The following CYLD variants were observed in gnomAD, a reference collection of about 807,000 sequenced individuals.
CYLD encodes the protein CYLD lysine 63 deubiquitinase.
Under a neutral mutation model 104.5 loss-of-function variants are expected in CYLD, and 26 were observed. That is an observed-to-expected ratio of 0.25 (90% CI 0.18 to 0.35). The LOEUF is 0.35. CYLD is among the 10% of genes least tolerant of loss of function. CYLD has a pLI of 1.00. For synonymous variants in CYLD, 385 were observed against 399.9 expected, an observed-to-expected ratio of 0.96 and a Z score of 0.45; for missense variants, 703 against 1,136.1, an observed-to-expected ratio of 0.62 and a Z score of 5.48.
chr16:50,779,489 G>A (rs1970004531), intron 8 of CYLD, among the ~76,000 whole-genome samples, 176 bp from the exon 9 acceptor site: 1 of 152,084 alleles, frequency 6.6e-6, no homozygotes, highest in African/African-American at 2.4e-5. Context: ...ATATGGAGGT[G>A]GAGAGAGGAG....
At chr16:50,773,815 A>G (rs529072546) in intron 5 of CYLD, among the ~76,000 whole-genome samples, 3 of 152,330 alleles carry the variant, frequency 2.0e-5, no homozygotes, top group Admixed American at 6.5e-5. Flanking sequence ...CTGGAGGGCA[A>G]TTAGAGGTGG....
intron 12 of CYLD, 125 bp from the exon 13 acceptor site, chr16:50,786,730 C>T: frequency 4.1e-6 from 3 of 726,980 alleles, no homozygotes; most frequent in East Asian, 2.8e-5. Context: ...ACTGCACACT[C>T]CAGCCTGAGT....
At chr16:50,790,533 C>T (rs2151026458) in intron 14 of CYLD, among the ~76,000 whole-genome samples, 1 of 152,184 alleles carries the variant, frequency 6.6e-6, no homozygotes, top group African/African-American at 2.4e-5. Context: ...TAGTCATCAA[C>T]AACTGATTAA....
intron 5 of CYLD, among the ~76,000 whole-genome samples, chr16:50,760,160 T>TA (rs750036331): frequency 6.6e-6 from 1 of 152,202 alleles, no homozygotes; most frequent in Non-Finnish European, 1.5e-5. Context: ...CACTTCCTCC[T>TA]AAATACTTCA....
At chr16:50,770,480 T>TG (rs1294459725) in intron 5 of CYLD, among the ~76,000 whole-genome samples, 1 of 151,360 alleles carries the variant, frequency 6.6e-6, no homozygotes, top group Non-Finnish European at 1.5e-5. Flanking sequence ...GATGGAGTCT[T>TG]GCTCTGTTCA....
At position 50,794,881 on chromosome 16, in the gene CYLD, G is replaced by T. The variant is rs191938263; in HGVS notation, c.2686+453G>T. 59 of 227,502 alleles carry T rather than the reference G, an allele frequency of 2.6e-4. No homozygotes were observed. Among genetic ancestry groups the T allele is most frequent in the Non-Finnish European group, 1.1e-4 (13 of 113,388 alleles). The allele number at this position is 227,502 out of a possible 1,614,324, so 14.1% of individuals were successfully genotyped here. On this transcript the variant is annotated intron_variant, in intron 18 of 18. Coordinates refer to ENST00000427738, the MANE Select transcript of CYLD (RefSeq NM_001378743.1). This position sits in a 1 kb window ranked among gnomAD's most constrained non-coding sequence, Gnocchi z 4.1. ...AGTGATTAACCCTCCTTTTCCTCTC[G>T]ATGTGCTGGGATTACAAGAGGAGCC... is the stretch of plus-strand genomic sequence containing the variant.
chr16:50,748,857 G>A (rs371533078), intron 2 of CYLD, among the ~76,000 whole-genome samples: 41 of 152,098 alleles, frequency 2.7e-4, no homozygotes, highest in African/African-American at 9.2e-4. Flanking sequence ...ATCATTTATA[G>A]GCATGAGCCA....
At chr16:50,757,675 C>T (rs1596995825) in intron 5 of CYLD, among the ~76,000 whole-genome samples, 1 of 151,688 alleles carries the variant, frequency 6.6e-6, no homozygotes, top group Admixed American at 6.6e-5. Flanking sequence ...TAGCTGGGAC[C>T]ACAGGCGCCC....
chr16:50,780,832 TTC>T (rs1970151146), intron 9 of CYLD, among the ~76,000 whole-genome samples: 1 of 151,150 alleles, frequency 6.6e-6, no homozygotes, highest in African/African-American at 2.5e-5. Context: ...TTAAATATAT[TTC>T]TTTTTTTTTT....
Position 50,798,655 on chromosome 16 carries a change from T to G in CYLD, c.*2147T>G, listed in dbSNP as rs1323064285. ...AGGAGAGAGAAGACAGTTCCTTTCC[T>G]GTAGAAATTAAAACAAAATACAAAT... On this transcript the variant is annotated 3_prime_UTR_variant, in exon 19 of 19. Transcript: ENST00000427738. The G allele has an allele frequency of 4.3e-6, 1 of 231,740 alleles. No homozygotes were observed. Among genetic ancestry groups the G allele is most frequent in the Non-Finnish European group, 8.5e-6 (1 of 117,740 alleles). 14.4% of individuals were successfully genotyped at this position (231,740 alleles called of 1,614,324 possible).
In CYLD at chr16:50,784,661, A is replaced by G. The variant is rs1970624899; in HGVS notation, c.1949+210A>G. On this transcript the variant is annotated intron_variant, in intron 12 of 18. Coordinates refer to ENST00000427738, the MANE Select transcript of CYLD (RefSeq NM_001378743.1). ...ATGTGGCCAAGGTGTAGAACATAGCATATTCCATGAAATGATTTAACCTAT... is the reference window on the plus strand; with the variant it reads ...ATGTGGCCAAGGTGTAGAACATAGCGTATTCCATGAAATGATTTAACCTAT... The G allele has an allele frequency of 7.9e-6, 4 of 506,932 alleles. No individual in the cohort carries two copies. The Admixed American group carries it at 1.0e-4, about 13-fold the overall frequency. The allele number at this position is 506,932 out of a possible 1,614,324, so 31.4% of individuals were successfully genotyped here. A position where few individuals can be genotyped will look rare whatever the true frequency, so the allele number is the denominator to read the frequency against.
chr16:50,798,435 T>C lies in CYLD; in HGVS notation c.*1927T>C. ...TACATTTATTAGGTATTATAAGTAA[T>C]CTAGAGATTATTTAATTAAAATATA... On this transcript the variant is annotated 3_prime_UTR_variant, in exon 19 of 19. Transcript: ENST00000427738. 4.3e-6 allele frequency: 1 copy of C among 232,362 alleles called. No homozygotes were observed. The allele number at this position is 232,362 out of a possible 1,614,324, so 14.4% of individuals were successfully genotyped here. A position where few individuals can be genotyped will look rare whatever the true frequency, so the allele number is the denominator to read the frequency against.
chr16:50,762,233 A>G (rs753165754), intron 5 of CYLD, among the ~76,000 whole-genome samples: 4 of 149,394 alleles, frequency 2.7e-5, no homozygotes, highest in African/African-American at 5.0e-5. Flanking sequence ...TATGTGTTTT[A>G]ATATTATTAA....
intron 5 of CYLD, among the ~76,000 whole-genome samples, chr16:50,773,038 G>A (rs751739049): frequency 2.6e-5 from 4 of 152,080 alleles, no homozygotes; most frequent in Non-Finnish European, 2.9e-5. Context: ...TTCTGGCATC[G>A]GGTTTAATAA....
intron 5 of CYLD, among the ~76,000 whole-genome samples, chr16:50,768,175 T>A (rs946148853): frequency 1.3e-5 from 2 of 152,140 alleles, no homozygotes; most frequent in Admixed American, 1.3e-4. Context: ...TAGGAGATAA[T>A]TAAGAATGAT....
At chr16:50,792,807 C>A in intron 16 of CYLD, 102 bp downstream of exon 16, 1 of 672,194 alleles carries the variant, frequency 1.5e-6, no homozygotes, top group Non-Finnish European at 2.7e-6. Context: ...CAGTATTTCC[C>A]AAGGCAATTC....
chr16:50,780,064 AAATTTC>A lies in CYLD; in HGVS notation c.1518+26_1518+31del, dbSNP rs1444727384. ...GAACTGGTAATTTAACTTGACCCAA[AAATTTC>A]AATTTTTTTCTCTGTGAGGTTTTGT... On this transcript the variant is annotated intron_variant, in intron 9 of 18. Coordinates refer to ENST00000427738, the MANE Select transcript of CYLD (RefSeq NM_001378743.1). 6.2e-7 allele frequency: 1 copy of A among 1,613,508 alleles called. No homozygotes were observed. The highest frequency in any genetic ancestry group is 1.1e-5 in the South Asian group (1 of 91,054).
At chr16:50,793,026 G>A (rs910815513) in intron 16 of CYLD, among the ~76,000 whole-genome samples, 8 of 151,878 alleles carry the variant, frequency 5.3e-5, no homozygotes, top group African/African-American at 1.9e-4. Context: ...AAAATTCATG[G>A]TTTTGAAGAC....
chr16:50,755,159 A>G (rs1165575540), intron 5 of CYLD, among the ~76,000 whole-genome samples: 4 of 139,314 alleles, frequency 2.9e-5, no homozygotes, highest in African/African-American at 1.1e-4. Context: ...GTGTATATAC[A>G]CACGTGTACA....
Sources: gnomAD v4.1 joint callset for allele counts (sites outside exome capture counted in the v4.1 genomes callset) on GRCh38, gnomAD v4.1.1 for gene constraint, Gnocchi (gnomAD v3.1) non-coding constraint, MANE v1.5 for transcripts, NCBI Gene and HGNC (gene_info 2026-07-23, HGNC 2026-07-21) for gene names.